Variants in PPP3CC observed in about 807,000 individuals in gnomAD.
PPP3CC encodes the protein serine/threonine-protein phosphatase 2B catalytic subunit gamma isoform.
Under a neutral mutation model 60.3 loss-of-function variants are expected in PPP3CC, and 35 were observed. The ratio of observed to expected loss-of-function variants is 0.58; its 90% CI spans 0.44 to 0.77. The LOEUF is 0.77. PPP3CC is among the 30% of genes least tolerant of loss of function. The probability of loss-of-function intolerance (pLI) is 0.00; values close to 1 mark genes in which losing one functional copy is unlikely to be tolerated. For synonymous variants in PPP3CC, 206 were observed against 224.3 expected (o/e 0.92, Z 0.73); for missense variants, 570 against 628.9 (o/e 0.91, Z 1.00).
intron 3 of PPP3CC, among the ~76,000 whole-genome samples, chr8:22,492,034 C>T (rs534344265): frequency 3.9e-5 from 6 of 152,066 alleles, no homozygotes; most frequent in South Asian, 4.2e-4. Flanking sequence ...AAATGGGTGC[C>T]GATTTTGCTG....
At chr8:22,457,571 G>T (rs1276772492) in intron 1 of PPP3CC, among the ~76,000 whole-genome samples, 1 of 150,398 alleles carries the variant, frequency 6.6e-6, no homozygotes, top group Non-Finnish European at 1.5e-5. Flanking sequence ...TCCTCCCAAA[G>T]TTCTGGAATT....
intron 6 of PPP3CC, among the ~76,000 whole-genome samples, chr8:22,519,331 A>C (rs1338961212): frequency 1.3e-5 from 2 of 152,056 alleles, no homozygotes; most frequent in Non-Finnish European, 2.9e-5. Flanking sequence ...TCATCCATTC[A>C]CTCATACTAT....
chr8:22,447,210 C>T (rs1223487807), intron 1 of PPP3CC, among the ~76,000 whole-genome samples: 110 of 110,364 alleles, frequency 1.0e-3, no homozygotes, highest in Middle Eastern at 6.1e-3. Context: ...GACAGAGTCT[C>T]GCTCTGTCGT....
At chr8:22,518,854 T>G (rs761955511) in intron 6 of PPP3CC, among the ~76,000 whole-genome samples, 16 of 152,004 alleles carry the variant, frequency 1.1e-4, no homozygotes, top group Non-Finnish European at 2.2e-4. Context: ...GCCCAGCTAA[T>G]TTTTGTATTT....
At chr8:22,527,256 C>T in intron 8 of PPP3CC, 136 bp from the exon 9 acceptor site, 1 of 963,344 alleles carries the variant, frequency 1.0e-6, no homozygotes, top group Non-Finnish European at 1.5e-6. Flanking sequence ...TCCATCTGCC[C>T]TTTACCTAGT....
chr8:22,492,510 A>T (rs1217487997), intron 3 of PPP3CC: 1 of 292,296 alleles, frequency 3.4e-6, no homozygotes, highest in Non-Finnish European at 6.4e-6. Context: ...TTGAGCTGCC[A>T]TCTTGCGTCC....
chr8:22,449,516 T>TCATC (rs1378299633), intron 1 of PPP3CC, among the ~76,000 whole-genome samples: 7 of 150,234 alleles, frequency 4.7e-5, no homozygotes, highest in South Asian at 4.2e-4. Flanking sequence ...GGAAAGGCTG[T>TCATC]CATCATATTT....
intron 8 of PPP3CC, among the ~76,000 whole-genome samples, chr8:22,525,747 A>T (rs1309158045): frequency 2.6e-5 from 4 of 151,396 alleles, no homozygotes; most frequent in South Asian, 4.2e-4. Context: ...TTTTATAGAG[A>T]TAGGGTCTCG....
chr8:22,462,986 AT>A (rs941803355), intron 1 of PPP3CC, among the ~76,000 whole-genome samples: 5 of 152,078 alleles, frequency 3.3e-5, no homozygotes, highest in East Asian at 1.9e-4. Flanking sequence ...AACCAAATAT[AT>A]TTTTTTTCCT....
chr8:22,469,963 C>CATATAT (rs35947743), intron 1 of PPP3CC, among the ~76,000 whole-genome samples: 5 of 146,322 alleles, frequency 3.4e-5, no homozygotes, highest in South Asian at 2.2e-4. Context: ...TGCTCAAAGA[C>CATATAT]ATATATATAT....
chr8:22,464,883 C>T lies in PPP3CC; in HGVS notation c.50-10071C>T, dbSNP rs533015066. On this transcript the variant is annotated intron_variant, in intron 1 of 13. Coordinates refer to ENST00000240139, the MANE Select transcript of PPP3CC (RefSeq NM_005605.5). Reference sequence around the variant, plus strand: ...GAATGAGTATGCCAAGAGACCGAGGCAGAATCTGCAAAATCACTTCTGCTG... The same window carrying T: ...GAATGAGTATGCCAAGAGACCGAGGTAGAATCTGCAAAATCACTTCTGCTG... Among the ~76,000 whole-genome samples, 6 of 152,072 alleles carry T rather than the reference C, an allele frequency of 3.9e-5. No homozygotes were observed. The East Asian group carries it at 9.7e-4, about 24-fold the overall frequency.
intron 3 of PPP3CC, among the ~76,000 whole-genome samples, chr8:22,482,364 C>T (rs985646658): frequency 2.6e-5 from 4 of 152,080 alleles, no homozygotes; most frequent in Admixed American, 6.5e-5. Context: ...ATCCTTTGCC[C>T]ACTTTTTGAT....
Position 22,493,003 on chromosome 8 carries a change from C to T in PPP3CC, c.373-4998C>T, listed in dbSNP as rs540740755. ...CCCAAACAGTCTGTGAATGGAAAAG[C>T]ACCACTTGCTACTGGAGAGGATGAC... On this transcript the variant is annotated intron_variant, in intron 3 of 13. Transcript: ENST00000240139. The T allele has an allele frequency of 3.1e-6, 4 of 1,277,678 alleles. No individual in the cohort carries two copies. In the African/African-American group the frequency reaches 5.8e-5, roughly 19 times the overall value. 79.1% of individuals were successfully genotyped at this position (1,277,678 alleles called of 1,614,324 possible). A position where few individuals can be genotyped will look rare whatever the true frequency, so the allele number is the denominator to read the frequency against.
intron 3 of PPP3CC, among the ~76,000 whole-genome samples, chr8:22,496,483 ATCTTTT>A (rs1316028787): frequency 1.6e-4 from 12 of 77,090 alleles, no homozygotes; most frequent in African/African-American, 4.8e-4. Flanking sequence ...GAGAACTGTA[ATCTTTT>A]TTTTTTTTTT....
At chr8:22,489,407 G>A (rs572238748) in intron 3 of PPP3CC, among the ~76,000 whole-genome samples, 2 of 151,282 alleles carry the variant, frequency 1.3e-5, no homozygotes, top group Non-Finnish European at 2.9e-5. Flanking sequence ...GTATACACAT[G>A]CTTCTACTGT....
intron 1 of PPP3CC, among the ~76,000 whole-genome samples, chr8:22,460,291 A>C (rs1218405403): frequency 6.6e-6 from 1 of 152,158 alleles, no homozygotes; most frequent in Admixed American, 6.5e-5. Context: ...ACTTGATACT[A>C]CATGGATAAT....
intron 1 of PPP3CC, among the ~76,000 whole-genome samples, chr8:22,455,268 A>C (rs1837162845): frequency 6.6e-6 from 1 of 152,144 alleles, no homozygotes; most frequent in African/African-American, 2.4e-5. Context: ...GTAGCATATA[A>C]TAGCCTCTCA....
At chr8:22,444,979 G>A (rs1289097659) in intron 1 of PPP3CC, among the ~76,000 whole-genome samples, 1 of 152,156 alleles carries the variant, frequency 6.6e-6, no homozygotes, top group Non-Finnish European at 1.5e-5. Context: ...GGAAATTTCA[G>A]TAGGAATTAC....
chr8:22,462,498 A>G (rs566417082), intron 1 of PPP3CC, among the ~76,000 whole-genome samples: 69 of 152,242 alleles, frequency 4.5e-4, no homozygotes, highest in African/African-American at 1.6e-3. Flanking sequence ...ATGGGTTGTG[A>G]ATGTTTATAA....
Sources: allele counts gnomAD v4.1 joint callset (sites outside exome capture counted in the v4.1 genomes callset), GRCh38; gene constraint gnomAD v4.1.1; transcripts MANE v1.5; gene names NCBI Gene and HGNC (gene_info 2026-07-23, HGNC 2026-07-21).